The following DCC variants were observed in gnomAD, a reference collection of about 807,000 sequenced individuals.
The protein encoded by DCC is DCC netrin 1 receptor, also known as netrin receptor DCC.
In DCC, 58 loss-of-function variants were observed where a neutral mutation model predicts 172.5. The observed-to-expected ratio is 0.34, with a 90% CI of 0.27 to 0.42. DCC has a LOEUF of 0.42. DCC is among the 10% of genes least tolerant of loss of function. The pLI is 1.00. For synonymous variants in DCC, 709 were observed against 644.5 expected, an observed-to-expected ratio of 1.10 and a Z score of -1.52; for missense variants, 1,740 against 1,791.0, an observed-to-expected ratio of 0.97 and a Z score of 0.51.
intron 1 of DCC, among the ~76,000 whole-genome samples, chr18:52,647,411 A>G (rs926366525): frequency 2.0e-5 from 3 of 152,206 alleles, no homozygotes; most frequent in Non-Finnish European, 4.4e-5. Flanking sequence ...CTGTCTTGCC[A>G]TCTGGTGATA....
intron 5 of DCC, among the ~76,000 whole-genome samples, chr18:53,043,566 A>C (rs1487096016): frequency 6.6e-6 from 1 of 151,858 alleles, no homozygotes; most frequent in Non-Finnish European, 1.5e-5. Flanking sequence ...TAAGCAAACC[A>C]CCATAAGCAA....
At chr18:52,347,961 C>T (rs544808054) in intron 1 of DCC, among the ~76,000 whole-genome samples, 2 of 152,038 alleles carry the variant, frequency 1.3e-5, no homozygotes, top group South Asian at 4.2e-4. Flanking sequence ...ACCCATGTAC[C>T]CACTAGCAGT....
chr18:52,562,312 C>T (rs374401131), intron 1 of DCC, among the ~76,000 whole-genome samples: 1 of 152,142 alleles, frequency 6.6e-6, no homozygotes, highest in Non-Finnish European at 1.5e-5. Flanking sequence ...TCTCCTGAAA[C>T]GGTCTCTTGT....
In DCC at chr18:53,227,606, T is replaced by C. The variant is rs138677796; in HGVS notation, c.1911+12009T>C. 3.4e-3 allele frequency among the ~76,000 whole-genome samples: 518 copies of C among 152,320 alleles called. 2 individuals are homozygous for C. Among genetic ancestry groups the C allele is most frequent in the African/African-American group, 0.012 (488 of 41,580 alleles). The stretch of plus-strand genomic sequence containing the variant: ...GATTTGTCAGATACATTGAGAAGTA[T>C]GTTAATAGTAGGAAAAAGAAAGTAT... On this transcript the variant is annotated intron_variant, in intron 12 of 28. Coordinates refer to ENST00000442544, the MANE Select transcript of DCC (RefSeq NM_005215.4).
chr18:53,039,939 T>C (rs2042146480), intron 5 of DCC, among the ~76,000 whole-genome samples: 1 of 152,096 alleles, frequency 6.6e-6, no homozygotes, highest in East Asian at 1.9e-4. Flanking sequence ...GCAGCTGCAG[T>C]GCCCAACACA....
intron 15 of DCC, among the ~76,000 whole-genome samples, chr18:53,374,222 A>T (rs182672489): frequency 6.6e-5 from 10 of 152,356 alleles, no homozygotes; most frequent in African/African-American, 1.9e-4. Context: ...CTCAACAGCC[A>T]CATGTGGCCA....
chr18:53,534,719 C>A lies in DCC; in HGVS notation c.*4066C>A, dbSNP rs1198843660. 1 of 152,060 alleles carries A rather than the reference C, an allele frequency of 6.6e-6. No homozygotes were observed. Among genetic ancestry groups the A allele is most frequent in the Non-Finnish European group, 1.5e-5 (1 of 68,010 alleles). 9.4% of individuals were successfully genotyped at this position (152,060 alleles called of 1,614,324 possible). ...CTCAATGTATCTTGCTATCTAAATA[C>A]CTGTTGCCAAAAAGTATTGATTTGG... On this transcript the variant is annotated 3_prime_UTR_variant, in exon 29 of 29. Transcript: ENST00000442544.
At chr18:52,430,431 G>A (rs1987583768) in intron 1 of DCC, among the ~76,000 whole-genome samples, 1 of 152,206 alleles carries the variant, frequency 6.6e-6, no homozygotes, top group South Asian at 2.1e-4. Context: ...GAGGTGTAGG[G>A]ATAAGGAAGA....
intron 1 of DCC, among the ~76,000 whole-genome samples, chr18:52,545,524 G>C (rs1372377533): frequency 1.3e-5 from 2 of 152,178 alleles, no homozygotes; most frequent in East Asian, 1.9e-4. Flanking sequence ...CAGGTAAAAG[G>C]TTCAGTATCA....
rs17755318 is a variant in DCC, at chr18:52,564,917, G to A, written c.92-187137G>A. On this transcript the variant is annotated intron_variant, in intron 1 of 28. Coordinates refer to ENST00000442544, the MANE Select transcript of DCC (RefSeq NM_005215.4). ...TGGGTACCTAGAGTGTGTTGCTGGAGAGTAATACTGACTTCAGTAGAAGCC... is the reference window on the plus strand; with the variant it reads ...TGGGTACCTAGAGTGTGTTGCTGGAAAGTAATACTGACTTCAGTAGAAGCC... Among the ~76,000 whole-genome samples, 614 of 152,146 alleles carry A rather than the reference G, an allele frequency of 4.0e-3. 21 individuals are homozygous for A. The East Asian group carries it at 0.08, about 20-fold the overall frequency.
At chr18:52,514,416 A>G (rs2031551066) in intron 1 of DCC, among the ~76,000 whole-genome samples, 1 of 152,292 alleles carries the variant, frequency 6.6e-6, no homozygotes, top group Non-Finnish European at 1.5e-5. Context: ...TCTACCCTCT[A>G]CTGGATACCA....
At chr18:52,640,663 T>C (rs929916568) in intron 1 of DCC, among the ~76,000 whole-genome samples, 3 of 150,862 alleles carry the variant, frequency 2.0e-5, no homozygotes, top group Non-Finnish European at 4.4e-5. Context: ...ACCAAGGAGT[T>C]GAAAGACCTC....
At chr18:52,566,785 C>A (rs574953714) in intron 1 of DCC, among the ~76,000 whole-genome samples, 16 of 151,958 alleles carry the variant, frequency 1.1e-4, no homozygotes, top group Admixed American at 2.6e-4. Flanking sequence ...GCTATGAGCT[C>A]CCTGTGCAGG....
intron 1 of DCC, among the ~76,000 whole-genome samples, chr18:52,389,985 A>G (rs1207291411): frequency 6.6e-6 from 1 of 152,080 alleles, no homozygotes; most frequent in Non-Finnish European, 1.5e-5. Context: ...TTTCATATAG[A>G]GAGACTGAGA....
chr18:52,612,587 T>G (rs1428684986), intron 1 of DCC, among the ~76,000 whole-genome samples: 1 of 152,160 alleles, frequency 6.6e-6, no homozygotes, highest in African/African-American at 2.4e-5. Flanking sequence ...ACTGAACCCC[T>G]GCCCTCTCAT....
intron 24 of DCC, among the ~76,000 whole-genome samples, chr18:53,464,756 G>A (rs774143484): frequency 1.1e-4 from 17 of 151,796 alleles, no homozygotes; most frequent in African/African-American, 2.9e-4. Flanking sequence ...CGAGGTGTGC[G>A]GATCACCTGA....
intron 1 of DCC, among the ~76,000 whole-genome samples, chr18:52,634,852 C>T (rs2034742650): frequency 6.6e-6 from 1 of 152,094 alleles, no homozygotes; most frequent in South Asian, 2.1e-4. Context: ...ACTCTTTCTT[C>T]TTAAATCCCT....
At chr18:53,447,418 G>A (rs1912683258) in intron 22 of DCC, among the ~76,000 whole-genome samples, 1 of 152,046 alleles carries the variant, frequency 6.6e-6, no homozygotes, top group South Asian at 2.1e-4. Flanking sequence ...ATTTGTAATG[G>A]GAGTCCTCAT....
At chr18:53,043,929 GCCA>G (rs2042202610) in intron 5 of DCC, among the ~76,000 whole-genome samples, 2 of 151,822 alleles carry the variant, frequency 1.3e-5, no homozygotes, top group African/African-American at 4.8e-5. Context: ...GCCTGTGAAT[GCCA>G]AGAAAAAAGA....
Sources: gnomAD v4.1 joint callset for allele counts (sites outside exome capture counted in the v4.1 genomes callset) on GRCh38, gnomAD v4.1.1 for gene constraint, MANE v1.5 for transcripts, NCBI Gene and HGNC (gene_info 2026-07-23, HGNC 2026-07-21) for gene names.